The following MYH7 variants were observed in gnomAD, a reference collection of about 807,000 sequenced individuals.
MYH7 encodes the protein myosin heavy chain 7.
MYH7 carries 129 observed loss-of-function variants against 225.4 expected under a neutral mutation model. The ratio of observed to expected loss-of-function variants is 0.57; its 90% CI spans 0.50 to 0.66. The LOEUF (loss-of-function observed/expected upper bound fraction) is 0.66. Among genes scored for constraint, MYH7 ranks in the 30% least tolerant of loss-of-function variants. The pLI is 0.00. For synonymous variants in MYH7, 971 were observed against 1,007.6 expected, an observed-to-expected ratio of 0.96 and a Z score of 0.69; for missense variants, 1,649 against 2,517.0, an observed-to-expected ratio of 0.66 and a Z score of 7.38.
intron 26 of MYH7, among the ~76,000 whole-genome samples, chr14:23,420,621 T>G (rs7150241): frequency 1.3e-4 from 20 of 152,306 alleles, no homozygotes; most frequent in Admixed American, 1.2e-3. Context: ...AGTCATGCCA[T>G]CAGAGTCGAA....
Position 23,417,634 on chromosome 14 carries a change from T to G in MYH7, c.4222A>C (p.Asn1408His). Residue 1408 changes from asparagine to histidine, a missense_variant, in exon 31 of 40, where the codon AAT becomes CAT. Physicochemically the swap from Asn to His is moderately conservative, Grantham distance 68 (BLOSUM62 1). Transcript: ENST00000355349. ...QEAEEAVEAVNAKCSSLEKTK... is the reference protein window; with the variant it reads ...QEAEEAVEAVHAKCSSLEKTK... ...TTCTCCAGCGAGGAGCACTTGGCATTAACAGCCTCCACGGCCTCCTCAGCT... is the reference window on the plus strand; with the variant it reads ...TTCTCCAGCGAGGAGCACTTGGCATGAACAGCCTCCACGGCCTCCTCAGCT... The G allele has an allele frequency of 6.2e-7, 1 of 1,613,028 alleles. No individual in the cohort carries two copies. The highest frequency in any genetic ancestry group is 8.5e-7 in the Non-Finnish European group (1 of 1,180,038).
chr14:23,430,004 C>G, intron 11 of MYH7, 91 bp from the exon 12 acceptor site: 1 of 1,506,854 alleles, frequency 6.6e-7, no homozygotes, highest in Non-Finnish European at 9.1e-7. Flanking sequence ...AACTTGTCTC[C>G]TTAATCCCTG....
chr14:23,429,631 G>A (rs1455381022), intron 12 of MYH7, 144 bp downstream of exon 12: 49 of 1,200,006 alleles, frequency 4.1e-5, no homozygotes, highest in Admixed American at 1.1e-4. Context: ...AGCCAAGATC[G>A]TGCCACTGCG....
rs1555337329 is a variant in MYH7 at position 23,422,574 on chromosome 14, C to CCTTTCTTTCTTTCTTTCCCTTT, written c.3100-250_3100-249insAAAGGGAAAGAAAGAAAGAAAG. Among the ~76,000 whole-genome samples, 720 of 146,844 alleles carry CCTTTCTTTCTTTCTTTCCCTTT rather than the reference C, an allele frequency of 4.9e-3. 4 individuals are homozygous for CCTTTCTTTCTTTCTTTCCCTTT. Among genetic ancestry groups the CCTTTCTTTCTTTCTTTCCCTTT allele is most frequent in the African/African-American group, 0.018 (685 of 38,186 alleles). ...CAAAGCCGTATTCTTTCTTTCTTTC[C>CCTTTCTTTCTTTCTTTCCCTTT]CTTTCTTTCTTTCTTTCTTTCTCTC... On this transcript the variant is annotated intron_variant, in intron 24 of 39. Transcript: ENST00000355349.
At chr14:23,432,002 A>C (rs1892967253) in intron 6 of MYH7, 133 bp from the exon 7 acceptor site, 9 of 877,734 alleles carry the variant, frequency 1.0e-5, no homozygotes, top group Middle Eastern at 3.1e-4. Context: ...ATCTACACCC[A>C]AAATCCACAA....
rs45523835 is a variant in MYH7 at position 23,418,302 on chromosome 14, G to A, written c.4077C>T (p.Arg1359=). The A allele has an allele frequency of 5.3e-5, 85 of 1,613,640 alleles. No individual in the cohort carries two copies. The highest frequency in any genetic ancestry group is 3.1e-4 in the East Asian group (14 of 44,876). The change falls in exon 30 of 40, where the codon CGC becomes CGT. Residue 1359 remains arginine, a synonymous_variant. Coordinates refer to ENST00000355349, the MANE Select transcript of MYH7 (RefSeq NM_000257.4). ...EETEAKAELQ[R]VLSKANSEVA... ...CCTCCGAGTTGGCCTTGGAAAGGAC[G>A]CGCTGCAGCTCGGCCTTGGCCTCCG...
intron 9 of MYH7, 131 bp from the exon 10 acceptor site, chr14:23,431,130 A>G: frequency 1.3e-6 from 1 of 748,502 alleles, no homozygotes; most frequent in Non-Finnish European, 2.3e-6. Context: ...GGACAGACAC[A>G]AAGAGATCAC....
chr14:23,426,627 G>A (rs537938332), intron 18 of MYH7, 150 bp downstream of exon 18: 1 of 732,718 alleles, frequency 1.4e-6, no homozygotes, highest in South Asian at 1.5e-5. Context: ...GCGCTGAGAG[G>A]GAGGTACCCT....
In MYH7 at chr14:23,412,891, T is replaced by A; in HGVS notation, c.5791-20A>T. ...CAAGCCCTTTTGAAAGGAAACAAAGTCCAATCAGTCCTTGGAGAGATGGTA... is the reference window on the plus strand; with the variant it reads ...CAAGCCCTTTTGAAAGGAAACAAAGACCAATCAGTCCTTGGAGAGATGGTA... On this transcript the variant is annotated intron_variant, in intron 39 of 39. Coordinates refer to ENST00000355349, the MANE Select transcript of MYH7 (RefSeq NM_000257.4). 1 of 1,613,190 alleles carries A rather than the reference T, an allele frequency of 6.2e-7. No individual in the cohort carries two copies. Among genetic ancestry groups the A allele is most frequent in the South Asian group, 1.1e-5 (1 of 91,064 alleles).
chr14:23,420,877 A>T, intron 26 of MYH7, 81 bp downstream of exon 26: 2 of 1,060,478 alleles, frequency 1.9e-6, no homozygotes, highest in Non-Finnish European at 2.9e-6. Context: ...AATGCTGTGA[A>T]CAGGACACCC....
chr14:23,417,858 G>T lies in MYH7; in HGVS notation c.4170-172C>A. 2.9e-6 allele frequency: 3 copies of T among 1,023,444 alleles called. No individual in the cohort carries two copies. In the South Asian group the frequency reaches 4.0e-5, roughly 14 times the overall value. The allele number at this position is 1,023,444 out of a possible 1,614,324, so 63.4% of individuals were successfully genotyped here. A position where few individuals can be genotyped will look rare whatever the true frequency, so the allele number is the denominator to read the frequency against. ...ACATCAGGCAGAGGATCCCAGCAGG[G>T]CGTGGAGACCCAGGCACCCTCTGAC... On this transcript the variant is annotated intron_variant, in intron 30 of 39. Coordinates refer to ENST00000355349, the MANE Select transcript of MYH7 (RefSeq NM_000257.4).
chr14:23,417,971 C>G (rs1892296329), intron 30 of MYH7: 4 of 878,976 alleles, frequency 4.6e-6, no homozygotes, highest in Non-Finnish European at 5.9e-6. Context: ...AGTGCCCTGC[C>G]CCAGACGGAA....
intron 30 of MYH7, chr14:23,417,946 G>T: frequency 1.2e-6 from 1 of 859,462 alleles, no homozygotes. Context: ...CCTCCCCACT[G>T]CCTTTCCCTG....
Position 23,425,597 on chromosome 14 carries a change from G to T in MYH7, c.2286+98C>A. On this transcript the variant is annotated intron_variant, in intron 20 of 39. Transcript: ENST00000355349. The surrounding 1 kb of genome is among the most constrained non-coding windows in gnomAD (Gnocchi z 4.6). The stretch of plus-strand genomic sequence containing the variant: ...TTCCACTGGGAGGGGTAGCATACAG[G>T]TAAGAGATTTTGCTAAGATGATTAC... The T allele has an allele frequency of 6.2e-7, 1 of 1,601,172 alleles. No individual in the cohort carries two copies. The highest frequency in any genetic ancestry group is 8.5e-7 in the Non-Finnish European group (1 of 1,172,064).
intron 14 of MYH7, 131 bp from the exon 15 acceptor site, chr14:23,428,801 G>A (rs1271254394): frequency 1.3e-6 from 2 of 1,573,566 alleles, no homozygotes; most frequent in Admixed American, 1.9e-5. Context: ...GTGAAGGAGG[G>A]CTTCCCCTGA....
rs1346778409 is a variant in MYH7, at chr14:23,431,748, G to A, written c.639+13C>T. On this transcript the variant is annotated intron_variant, in intron 7 of 39. Transcript: ENST00000355349. ...TTTCTGCGGTACAGGACCTTGGAGG[G>A]CAGCAGGCCTACCTTGCCCGGGCTC... 3.1e-6 allele frequency: 5 copies of A among 1,614,076 alleles called. No homozygotes were observed. Among genetic ancestry groups the A allele is most frequent in the Non-Finnish European group, 4.2e-6 (5 of 1,180,010 alleles).
chr14:23,412,856 A>G lies in MYH7; in HGVS notation c.5806T>C (p.Ter1936GlnextTer31). ...GAGCAGATCAAGATGTGGCAAAGCT[A>G]CTCCTCATTCAAGCCCTTTTGAAAG... is the stretch of plus-strand genomic sequence containing the variant. ...DIGTKGLNEE[*>Q] is the part of the protein sequence containing the mutation. Residue 1936 changes from the stop codon to glutamine (Q), a stop_lost, in exon 40 of 40, where the codon TAG becomes CAG. Transcript: ENST00000355349. The G allele has an allele frequency of 6.2e-7, 1 of 1,613,916 alleles. No individual in the cohort carries two copies. Among genetic ancestry groups the G allele is most frequent in the Non-Finnish European group, 8.5e-7 (1 of 1,179,952 alleles).
At chr14:23,421,736 G>T (rs187778393) in intron 25 of MYH7, 1 of 985,288 alleles carries the variant, frequency 1.0e-6, no homozygotes, top group Admixed American at 6.1e-5. Context: ...CACAAGTTAA[G>T]CAAAACAAAG....
In MYH7 at chr14:23,433,861, C is replaced by T. The variant is rs1216634805; in HGVS notation, c.-8-121G>A. The T allele has an allele frequency of 2.1e-6, 2 of 946,730 alleles. No individual in the cohort carries two copies. Among genetic ancestry groups the T allele is most frequent in the African/African-American group, 3.3e-5 (2 of 61,390 alleles). The allele number at this position is 946,730 out of a possible 1,614,324, so 58.6% of individuals were successfully genotyped here. On this transcript the variant is annotated intron_variant, in intron 2 of 39. Coordinates refer to ENST00000355349, the MANE Select transcript of MYH7 (RefSeq NM_000257.4). The surrounding 1 kb of genome is among the most constrained non-coding windows in gnomAD (Gnocchi z 4.1). The stretch of plus-strand genomic sequence containing the variant: ...CATGCTCAAGAGTCAAGAGGAGTTA[C>T]CAGTGAGTCCCTTCCTCTTTGAGGT...
Sources: gnomAD v4.1 joint callset for allele counts (sites outside exome capture counted in the v4.1 genomes callset) on GRCh38, gnomAD v4.1.1 for gene constraint, Gnocchi (gnomAD v3.1) non-coding constraint, MANE v1.5 for transcripts, NCBI Gene and HGNC (gene_info 2026-07-23, HGNC 2026-07-21) for gene names.